The following USP12 variants were observed in gnomAD, a reference collection of about 807,000 sequenced individuals.
The protein encoded by USP12 is ubiquitin carboxyl-terminal hydrolase 12.
USP12 carries 19 observed loss-of-function variants against 45.5 expected under a neutral mutation model. The ratio of observed to expected loss-of-function variants is 0.42; its 90% CI spans 0.29 to 0.61. USP12 has a LOEUF of 0.61. Ranked by LOEUF, USP12 falls within the 20% of genes least tolerant of loss-of-function variation. The pLI is 0.22. For missense variants in USP12, 242 were observed against 447.7 expected (o/e 0.54, Z 4.15); for synonymous variants, 149 against 148.8 (o/e 1.00, Z -0.01).
intron 1 of USP12, among the ~76,000 whole-genome samples, chr13:27,143,312 G>C (rs1877157197): frequency 6.6e-6 from 1 of 152,126 alleles, no homozygotes; most frequent in Admixed American, 6.5e-5. Flanking sequence ...AGCATGGGTA[G>C]GGAGTATCAC....
chr13:27,069,374 G>T lies in USP12; in HGVS notation c.1022C>A (p.Ala341Glu), dbSNP rs767156881. 6.2e-7 allele frequency: 1 copy of T among 1,612,872 alleles called. No individual in the cohort carries two copies. The highest frequency in any genetic ancestry group is 8.5e-7 in the Non-Finnish European group (1 of 1,179,306). ...CCCGTAGAATTCTTCAATAGCTTGT[G>T]CATCTATTTTCTGTGAGGTAAAATG... ...FDDDIVEKID[A>E]QAIEEFYGLT... The change falls in exon 9 of 9, where the codon GCA becomes GAA. Residue 341 changes from alanine (A) to glutamate (E), a missense_variant. Ala to Glu is a moderately radical substitution (Grantham distance 107). Around this residue, in one of 5 missense-constraint regions of USP12, gnomAD observed 94 missense variants for 168.3 expected, o/e 0.56. Coordinates refer to ENST00000282344, the MANE Select transcript of USP12 (RefSeq NM_182488.4).
At chr13:27,096,296 A>C (rs1348379354) in intron 3 of USP12, among the ~76,000 whole-genome samples, 1 of 152,228 alleles carries the variant, frequency 6.6e-6, no homozygotes, top group East Asian at 1.9e-4. Flanking sequence ...ATAAGGGGTA[A>C]GCCCAGAACG....
intron 3 of USP12, among the ~76,000 whole-genome samples, chr13:27,101,504 T>A (rs1389001231): frequency 6.6e-6 from 1 of 152,224 alleles, no homozygotes; most frequent in African/African-American, 2.4e-5. Flanking sequence ...AGGAACTGGA[T>A]TATGTGCTGG....
chr13:27,090,744 AT>A (rs1874272670), intron 4 of USP12, among the ~76,000 whole-genome samples: 1 of 152,218 alleles, frequency 6.6e-6, no homozygotes, highest in Non-Finnish European at 1.5e-5. Flanking sequence ...CAGCAAGTCC[AT>A]CCTGAAGGTA....
At chr13:27,142,389 T>C (rs2986635) in intron 1 of USP12, among the ~76,000 whole-genome samples, 4,888 of 152,312 alleles carry the variant, frequency 0.032, 267 homozygotes, top group African/African-American at 0.11. Flanking sequence ...TGATCATCTT[T>C]GATACTGGGC....
chr13:27,101,847 A>G (rs575488255), intron 3 of USP12, among the ~76,000 whole-genome samples: 1 of 152,332 alleles, frequency 6.6e-6, no homozygotes, highest in South Asian at 2.1e-4. Context: ...AAATTTCCTC[A>G]CTTGAGGGAG....
At chr13:27,154,874 G>T (rs1877744786) in intron 1 of USP12, among the ~76,000 whole-genome samples, 1 of 152,002 alleles carries the variant, frequency 6.6e-6, no homozygotes, top group African/African-American at 2.4e-5. Flanking sequence ...GGGAGGTAAT[G>T]AAAGAAAGAC....
intron 1 of USP12, among the ~76,000 whole-genome samples, chr13:27,138,266 G>T (rs561385052): frequency 2.0e-5 from 3 of 152,354 alleles, no homozygotes; most frequent in Admixed American, 2.0e-4. Flanking sequence ...ACTCCGAAAG[G>T]CTCAGGGAGC....
At chr13:27,146,355 T>C (rs1877307340) in intron 1 of USP12, among the ~76,000 whole-genome samples, 1 of 152,066 alleles carries the variant, frequency 6.6e-6, no homozygotes, top group South Asian at 2.1e-4. Context: ...TGAGCCAAGA[T>C]CATGCCACTG....
chr13:27,163,892 C>T (rs1367846904), intron 1 of USP12, among the ~76,000 whole-genome samples: 4 of 151,994 alleles, frequency 2.6e-5, no homozygotes, highest in African/African-American at 9.7e-5. Context: ...CCAGGCTTCC[C>T]AGGGGTCAAG....
At chr13:27,082,765 G>A (rs745656259) in intron 6 of USP12, among the ~76,000 whole-genome samples, 1 of 152,180 alleles carries the variant, frequency 6.6e-6, no homozygotes, top group Non-Finnish European at 1.5e-5. Flanking sequence ...GAATAAAGAG[G>A]CCTGAGAGAG....
intron 6 of USP12, among the ~76,000 whole-genome samples, chr13:27,075,889 G>A (rs927715866): frequency 1.3e-5 from 2 of 152,032 alleles, no homozygotes; most frequent in African/African-American, 4.8e-5. Flanking sequence ...AAATAGCCGG[G>A]CATAGTGGCA....
At chr13:27,135,010 T>G (rs1177700848) in intron 1 of USP12, among the ~76,000 whole-genome samples, 3 of 152,174 alleles carry the variant, frequency 2.0e-5, no homozygotes, top group African/African-American at 7.2e-5. Context: ...CAAGGCCAGG[T>G]GCTGTGGCTC....
chr13:27,160,069 C>G (rs1232292152), intron 1 of USP12, among the ~76,000 whole-genome samples: 1 of 152,018 alleles, frequency 6.6e-6, no homozygotes, highest in African/African-American at 2.4e-5. Context: ...CTTTAAAGAA[C>G]GAAAATACCA....
In USP12 at chr13:27,171,747, C is replaced by G; in HGVS notation, c.-108G>C. 1.5e-6 allele frequency: 1 copy of G among 659,676 alleles called. No individual in the cohort carries two copies. The allele number at this position is 659,676 out of a possible 1,614,324, so 40.9% of individuals were successfully genotyped here. ...AGCCCGCGGGCGGACCCCGAGCCGC[C>G]GCGGACCCAACCACCGAGCCCGCTG... On this transcript the variant is annotated 5_prime_UTR_variant, in exon 1 of 9. Coordinates refer to ENST00000282344, the MANE Select transcript of USP12 (RefSeq NM_182488.4).
In USP12 at chr13:27,075,277, T is replaced by C; in HGVS notation, c.846A>G (p.Leu282=). 6.2e-7 allele frequency: 1 copy of C among 1,614,110 alleles called. No individual in the cohort carries two copies. Among genetic ancestry groups the C allele is most frequent in the Non-Finnish European group, 8.5e-7 (1 of 1,179,980 alleles). The part of the protein sequence containing the change: ...TKLSYRVVFP[L]ELRLFNTSGD... ...CTGAAGTGTTAAACAGACGAAGTTC[T>C]AAAGGAAAAACTACCCGGTAAGAGA... The change falls in exon 7 of 9, where the codon TTA becomes TTG. Residue 282 remains leucine (L), a synonymous_variant. Transcript: ENST00000282344.
chr13:27,113,423 G>C (rs1053704375), intron 2 of USP12, among the ~76,000 whole-genome samples: 3 of 152,160 alleles, frequency 2.0e-5, no homozygotes, highest in Non-Finnish European at 4.4e-5. Flanking sequence ...ATGTTCTAAG[G>C]GAATGCCCTC....
chr13:27,142,015 G>A (rs1016314225), intron 1 of USP12, among the ~76,000 whole-genome samples: 2 of 143,094 alleles, frequency 1.4e-5, no homozygotes, highest in African/African-American at 6.1e-5. Flanking sequence ...CCAGCCACTT[G>A]CAAGGCTGAA....
At chr13:27,121,742 T>C (rs573435149) in intron 1 of USP12, among the ~76,000 whole-genome samples, 136 of 151,968 alleles carry the variant, frequency 8.9e-4, no homozygotes, top group Non-Finnish European at 1.3e-3. Context: ...GCACCTGTAG[T>C]CCCAGCTACT....
Sources: gnomAD v4.1 joint callset for allele counts (sites outside exome capture counted in the v4.1 genomes callset) on GRCh38, gnomAD v4.1.1 for gene constraint, gnomAD v4.1.1 regional missense constraint, MANE v1.5 for transcripts, NCBI Gene and HGNC (gene_info 2026-07-23, HGNC 2026-07-21) for gene names.